COPZ1: variants seen among roughly 807,000 people sequenced by gnomAD.
The protein encoded by COPZ1 is coat protein complex I subunit zeta 1.
A neutral mutation model predicts 31.7 loss-of-function variants in COPZ1; 4 were observed. The observed-to-expected ratio is 0.13, with a 90% CI of 0.06 to 0.29. COPZ1 has a LOEUF of 0.29. Among genes scored for constraint, COPZ1 ranks in the 10% least tolerant of loss-of-function variants. The pLI, the probability that COPZ1 is intolerant of heterozygous loss-of-function variation, is 1.00. For missense variants in COPZ1, 156 were observed against 211.5 expected (o/e 0.74, Z 1.63); for synonymous variants, 74 against 79.0 (o/e 0.94, Z 0.33).
chr12:54,341,558 T>C (rs1384310485), intron 2 of COPZ1, among the ~76,000 whole-genome samples: 2 of 152,234 alleles, frequency 1.3e-5, no homozygotes, highest in African/African-American at 2.4e-5. Context: ...AGTTACTAAA[T>C]GCCAGACCTG....
At chr12:54,337,019 CAAAA>C (rs1182592654) in intron 1 of COPZ1, among the ~76,000 whole-genome samples, 73 of 61,638 alleles carry the variant, frequency 1.2e-3, no homozygotes, top group Non-Finnish European at 1.8e-3. Context: ...GAGACTGTCG[CAAAA>C]AAAAAAAAAA....
chr12:54,342,153 A>G, intron 2 of COPZ1, 53 bp from the exon 3 acceptor site: 2 of 1,292,886 alleles, frequency 1.5e-6, no homozygotes, highest in Non-Finnish European at 2.3e-6. Context: ...GTCACTAATC[A>G]TTCTGGCTTC....
chr12:54,334,833 G>A (rs1192594513), intron 1 of COPZ1, among the ~76,000 whole-genome samples: 1 of 152,050 alleles, frequency 6.6e-6, no homozygotes, highest in East Asian at 1.9e-4. Flanking sequence ...CTTCAGCCTG[G>A]GCGACAGGGT....
intron 1 of COPZ1, among the ~76,000 whole-genome samples, chr12:54,329,050 A>G (rs1029456280): frequency 6.6e-6 from 1 of 152,096 alleles, no homozygotes; most frequent in South Asian, 2.1e-4. Flanking sequence ...GATTTGTCTA[A>G]TCTCTCTCAG....
In COPZ1 at chr12:54,325,137, C is replaced by A; in HGVS notation, c.-27C>A. 1.3e-6 allele frequency: 2 copies of A among 1,560,500 alleles called. No individual in the cohort carries two copies. The highest frequency in any genetic ancestry group is 1.7e-6 in the Non-Finnish European group (2 of 1,152,734). ...CAGCGGCGGCGTTTCTTTTGCGGCTCCACGTCGGCACCAGCTGCGGGGCAA... is the reference window on the plus strand; with the variant it reads ...CAGCGGCGGCGTTTCTTTTGCGGCTACACGTCGGCACCAGCTGCGGGGCAA... On this transcript the variant is annotated 5_prime_UTR_variant, in exon 1 of 9. Transcript: ENST00000262061.
At chr12:54,342,482 G>A (rs1454704436) in intron 3 of COPZ1, 195 bp downstream of exon 3, 12 of 577,314 alleles carry the variant, frequency 2.1e-5, no homozygotes, top group Non-Finnish European at 3.4e-5. Context: ...ATGCTGGAAG[G>A]TTGGCTGTTA....
At chr12:54,340,430 G>A in intron 1 of COPZ1, 117 bp from the exon 2 acceptor site, 1 of 1,507,692 alleles carries the variant, frequency 6.6e-7, no homozygotes, top group African/African-American at 1.4e-5. Flanking sequence ...TGAGGTAAGG[G>A]ACTTACAGAG....
chr12:54,335,412 G>GTT (rs36117905), intron 1 of COPZ1, among the ~76,000 whole-genome samples: 22 of 142,622 alleles, frequency 1.5e-4, no homozygotes, highest in Admixed American at 4.2e-4. Flanking sequence ...CTTAGGGAAT[G>GTT]TTTTTTTTTT....
intron 4 of COPZ1, among the ~76,000 whole-genome samples, chr12:54,344,304 G>T (rs751101423): frequency 2.0e-5 from 3 of 151,566 alleles, no homozygotes; most frequent in Non-Finnish European, 2.9e-5. Context: ...TACAGGCCAG[G>T]CATGGTGGCT....
chr12:54,346,788 T>C lies in COPZ1; in HGVS notation c.318-979T>C, dbSNP rs564406442. On this transcript the variant is annotated intron_variant, in intron 5 of 8. Coordinates refer to ENST00000262061, the MANE Select transcript of COPZ1 (RefSeq NM_016057.3). ...GGAAGATTGCTTGAGCCCAGGAGGT[T>C]GAGGCTGCAGTGAGCTGTGATCATG... 1.8e-5 allele frequency: 11 copies of C among 611,566 alleles called. No individual in the cohort carries two copies. The South Asian group carries it at 1.9e-4, about 11-fold the overall frequency. 37.9% of individuals were successfully genotyped at this position (611,566 alleles called of 1,614,324 possible).
At chr12:54,330,955 C>A (rs1458639643) in intron 1 of COPZ1, among the ~76,000 whole-genome samples, 1 of 152,036 alleles carries the variant, frequency 6.6e-6, no homozygotes, top group East Asian at 1.9e-4. Flanking sequence ...TGGCAAGGGC[C>A]CTCTCACATT....
At chr12:54,332,621 C>T (rs1953776871) in intron 1 of COPZ1, among the ~76,000 whole-genome samples, 1 of 151,664 alleles carries the variant, frequency 6.6e-6, no homozygotes, top group Non-Finnish European at 1.5e-5. Flanking sequence ...GTAATGCCAG[C>T]TATTTGAGAG....
At position 54,350,494 on chromosome 12, in the gene COPZ1, G is replaced by A. The variant is rs781082088; in HGVS notation, c.505G>A (p.Glu169Lys). 1.2e-6 allele frequency: 2 copies of A among 1,614,112 alleles called. No homozygotes were observed. The highest frequency in any genetic ancestry group is 1.7e-6 in the Non-Finnish European group (2 of 1,179,982). ...TVSQVLQSAKEQIKWSLLR is the reference protein window; with the variant it reads ...TVSQVLQSAKKQIKWSLLR ...TCTGCAGGTGCTGCAGTCAGCCAAAGAACAGATCAAGTGGTCACTCCTTCG... is the reference window on the plus strand; with the variant it reads ...TCTGCAGGTGCTGCAGTCAGCCAAAAAACAGATCAAGTGGTCACTCCTTCG... The change falls in exon 9 of 9, where the codon GAA becomes AAA. Residue 169 changes from glutamate to lysine, a missense_variant. Glu to Lys is a moderately conservative substitution (Grantham distance 56). Transcript: ENST00000262061.
intron 7 of COPZ1, among the ~76,000 whole-genome samples, chr12:54,348,449 T>C (rs562214628): frequency 6.6e-6 from 1 of 152,224 alleles, no homozygotes; most frequent in South Asian, 2.1e-4. Context: ...TTTTAAAGTG[T>C]TACATAGGAC....
At chr12:54,335,181 CAAA>C (rs556631294) in intron 1 of COPZ1, among the ~76,000 whole-genome samples, 12 of 88,624 alleles carry the variant, frequency 1.4e-4, no homozygotes, top group Non-Finnish European at 7.2e-5. Context: ...GAAACTCTGT[CAAA>C]AAAAAAAAAA....
At chr12:54,344,313 C>T (rs1364988978) in intron 4 of COPZ1, among the ~76,000 whole-genome samples, 5 of 152,198 alleles carry the variant, frequency 3.3e-5, no homozygotes, top group African/African-American at 1.2e-4. Flanking sequence ...GGCATGGTGG[C>T]TCACACCTGT....
At chr12:54,349,732 T>C in intron 8 of COPZ1, 74 bp downstream of exon 8, 1 of 1,180,622 alleles carries the variant, frequency 8.5e-7, no homozygotes, top group Non-Finnish European at 1.3e-6. Context: ...CACCCATACC[T>C]CTCAAATCTG....
At chr12:54,331,282 G>A (rs1273331911) in intron 1 of COPZ1, among the ~76,000 whole-genome samples, 2 of 145,658 alleles carry the variant, frequency 1.4e-5, no homozygotes, top group Non-Finnish European at 3.0e-5. Flanking sequence ...CCAGGTTCAA[G>A]CGATTCTCCT....
intron 1 of COPZ1, chr12:54,325,558 G>A (rs1407374513): frequency 1.0e-5 from 2 of 191,092 alleles, no homozygotes; most frequent in Non-Finnish European, 2.2e-5. Context: ...AAAGAATACA[G>A]ATGTTTTGTC....
Sources: gnomAD v4.1 joint callset for allele counts (sites outside exome capture counted in the v4.1 genomes callset) on GRCh38, gnomAD v4.1.1 for gene constraint, MANE v1.5 for transcripts, NCBI Gene and HGNC (gene_info 2026-07-23, HGNC 2026-07-21) for gene names.